The following PUM2 variants were observed in gnomAD, a reference collection of about 807,000 sequenced individuals.
The protein encoded by PUM2 is pumilio homolog 2.
In PUM2, 57 loss-of-function variants were observed where a neutral mutation model predicts 124.5. The observed-to-expected ratio is 0.46, with a 90% CI of 0.37 to 0.57. The LOEUF is 0.57. Among genes scored for constraint, PUM2 ranks in the 20% least tolerant of loss-of-function variants. The probability of loss-of-function intolerance (pLI) is 0.00; values close to 1 mark genes in which losing one functional copy is unlikely to be tolerated. For missense variants in PUM2, 1,065 were observed against 1,290.6 expected, an observed-to-expected ratio of 0.83 and a Z score of 2.68; for synonymous variants, 460 against 446.1, an observed-to-expected ratio of 1.03 and a Z score of -0.39.
intron 15 of PUM2, among the ~76,000 whole-genome samples, chr2:20,259,263 T>C (rs537209575): frequency 7.2e-5 from 11 of 152,344 alleles, no homozygotes; most frequent in Admixed American, 5.9e-4. Context: ...TTTAAAGTGG[T>C]TCATGTTAAA....
At chr2:20,271,941 C>G (rs957177234) in intron 13 of PUM2, among the ~76,000 whole-genome samples, 1 of 152,096 alleles carries the variant, frequency 6.6e-6, no homozygotes, top group Non-Finnish European at 1.5e-5. Context: ...AGTGGATCAC[C>G]TGAGGTCAGG....
Position 20,282,979 on chromosome 2 carries a change from A to G in PUM2, c.1688T>C (p.Ile563Thr). The G allele has an allele frequency of 2.5e-6, 4 of 1,614,004 alleles. No homozygotes were observed. In the East Asian group the frequency reaches 6.7e-5, roughly 27 times the overall value. Residue 563 changes from isoleucine to threonine, a missense_variant, in exon 12 of 21, where the codon ATA (isoleucine) becomes ACA (threonine). By Grantham distance (89) the Ile-to-Thr change is moderately conservative. Coordinates refer to ENST00000361078, the MANE Select transcript of PUM2 (RefSeq NM_015317.5). ...FGSGNSLGAA[I>T]GSALSGFGSS... ...ACCAAATCCACTGAGGGCTGAGCCT[A>G]TAGCAGCACCCAAAGAGTTACCACT...
intron 8 of PUM2, among the ~76,000 whole-genome samples, chr2:20,294,927 A>G (rs1675159610): frequency 6.6e-6 from 1 of 152,228 alleles, no homozygotes; most frequent in African/African-American, 2.4e-5. Context: ...AAAATATTTT[A>G]CTTTCCAATC....
intron 1 of PUM2, among the ~76,000 whole-genome samples, chr2:20,340,380 G>C (rs1292348087): frequency 6.6e-6 from 1 of 152,210 alleles, no homozygotes; most frequent in Non-Finnish European, 1.5e-5. Flanking sequence ...GGATGGATCA[G>C]AGTTCTACCT....
At chr2:20,344,515 C>A (rs759561829) in intron 1 of PUM2, among the ~76,000 whole-genome samples, 1 of 152,158 alleles carries the variant, frequency 6.6e-6, no homozygotes, top group Non-Finnish European at 1.5e-5. Flanking sequence ...AGATAAAGGA[C>A]TTCAATCTGG....
chr2:20,321,847 CAG>C (rs779819034), intron 2 of PUM2, among the ~76,000 whole-genome samples: 12 of 152,260 alleles, frequency 7.9e-5, no homozygotes, highest in Non-Finnish European at 1.3e-4. Context: ...TCAGGCAACT[CAG>C]TGTTTCTTAT....
chr2:20,270,360 G>C (rs1462053068), intron 13 of PUM2, among the ~76,000 whole-genome samples: 1 of 152,148 alleles, frequency 6.6e-6, no homozygotes, highest in African/African-American at 2.4e-5. Context: ...AATTATAGGA[G>C]CTGGGATTGT....
chr2:20,280,846 A>G (rs920940261), intron 12 of PUM2, among the ~76,000 whole-genome samples: 13 of 152,178 alleles, frequency 8.5e-5, no homozygotes, highest in South Asian at 4.1e-4. Context: ...TTGTAACAAC[A>G]CTTTAAAAAA....
At chr2:20,301,703 T>C (rs1677022990) in intron 7 of PUM2, among the ~76,000 whole-genome samples, 1 of 152,114 alleles carries the variant, frequency 6.6e-6, no homozygotes, top group Non-Finnish European at 1.5e-5. Context: ...TCCTCCCACC[T>C]CAGCCTCCTG....
intron 8 of PUM2, among the ~76,000 whole-genome samples, chr2:20,297,346 C>T (rs962568536): frequency 1.2e-4 from 18 of 152,084 alleles, no homozygotes; most frequent in Admixed American, 3.3e-4. Context: ...ATTACGTATA[C>T]GAGGAAAAGT....
chr2:20,320,639 A>G (rs1682100394), intron 2 of PUM2, among the ~76,000 whole-genome samples: 1 of 152,144 alleles, frequency 6.6e-6, no homozygotes, highest in South Asian at 2.1e-4. Context: ...CCTGGGCTGT[A>G]AATGACTGGT....
At chr2:20,296,589 TCAAAGCCCC>T (rs996909932) in intron 8 of PUM2, among the ~76,000 whole-genome samples, 4 of 151,124 alleles carry the variant, frequency 2.6e-5, no homozygotes, top group African/African-American at 9.7e-5. Flanking sequence ...AAGATATCGC[TCAAAGCCCC>T]CCCAGCCCCC....
chr2:20,323,968 GA>G (rs1683058196), intron 2 of PUM2, among the ~76,000 whole-genome samples: 2 of 115,704 alleles, frequency 1.7e-5, no homozygotes, highest in Admixed American at 8.8e-5. Flanking sequence ...TGGGAATAAG[GA>G]AAAAATAAAA....
chr2:20,340,879 T>C (rs1687085726), intron 1 of PUM2, among the ~76,000 whole-genome samples: 1 of 152,192 alleles, frequency 6.6e-6, no homozygotes, highest in Admixed American at 6.5e-5. Flanking sequence ...ATTTGTCCAT[T>C]TGCAAATGGA....
chr2:20,316,262 C>A, intron 3 of PUM2, among the ~76,000 whole-genome samples: 1 of 152,072 alleles, frequency 6.6e-6, no homozygotes, highest in East Asian at 1.9e-4. Flanking sequence ...CCAACATTTT[C>A]CAGACTTCCT....
chr2:20,296,552 A>T (rs1342931465), intron 8 of PUM2, among the ~76,000 whole-genome samples: 1 of 152,072 alleles, frequency 6.6e-6, no homozygotes, highest in Non-Finnish European at 1.5e-5. Context: ...AGTGGGTTTC[A>T]AACTGATTAG....
intron 3 of PUM2, among the ~76,000 whole-genome samples, chr2:20,317,678 G>A (rs1048807565): frequency 7.2e-5 from 11 of 152,050 alleles, no homozygotes; most frequent in Non-Finnish European, 1.0e-4. Flanking sequence ...TACCTGATGG[G>A]TATTTTTTCT....
At position 20,308,129 on chromosome 2, in the gene PUM2, G is replaced by T. The variant is rs1233338028; in HGVS notation, c.790-58C>A. On this transcript the variant is annotated intron_variant, in intron 6 of 20. Coordinates refer to ENST00000361078, the MANE Select transcript of PUM2 (RefSeq NM_015317.5). ...TGTCAAAATCTTTCATTTCTAATTA[G>T]AAATCTGAATAAAACATTTTAAACA... 6 of 1,562,314 alleles carry T rather than the reference G, an allele frequency of 3.8e-6. No homozygotes were observed. In the African/African-American group the frequency reaches 8.2e-5, roughly 21 times the overall value.
chr2:20,316,545 C>T (rs939783389), intron 3 of PUM2, among the ~76,000 whole-genome samples: 5 of 151,250 alleles, frequency 3.3e-5, no homozygotes, highest in Non-Finnish European at 4.4e-5. Context: ...TCTAGCTGTA[C>T]GCCTCTCAGA....
Sources: gnomAD v4.1 joint callset for allele counts (sites outside exome capture counted in the v4.1 genomes callset) on GRCh38, gnomAD v4.1.1 for gene constraint, MANE v1.5 for transcripts, NCBI Gene and HGNC (gene_info 2026-07-23, HGNC 2026-07-21) for gene names.